The following NRCAM variants were observed in gnomAD, a reference collection of about 807,000 sequenced individuals.
The protein encoded by NRCAM is NgCAM-related cell adhesion molecule.
Under a neutral mutation model 156.5 loss-of-function variants are expected in NRCAM, and 83 were observed. That is an observed-to-expected ratio of 0.53 (90% CI 0.44 to 0.64). The LOEUF (loss-of-function observed/expected upper bound fraction) is 0.64. NRCAM is among the 30% of genes least tolerant of loss of function. The pLI, the probability that NRCAM is intolerant of heterozygous loss-of-function variation, is 0.00. For synonymous variants in NRCAM, 538 were observed against 563.9 expected, an observed-to-expected ratio of 0.95 and a Z score of 0.65; for missense variants, 1,417 against 1,597.3, an observed-to-expected ratio of 0.89 and a Z score of 1.92.
At chr7:108,426,717 A>C (rs1422283604) in intron 1 of NRCAM, among the ~76,000 whole-genome samples, 2 of 152,238 alleles carry the variant, frequency 1.3e-5, no homozygotes, top group Non-Finnish European at 2.9e-5. Context: ...TTATCTCCAC[A>C]ACACAAAATA....
chr7:108,333,686 A>G (rs1372553951), intron 2 of NRCAM, among the ~76,000 whole-genome samples: 1 of 152,224 alleles, frequency 6.6e-6, no homozygotes, highest in Non-Finnish European at 1.5e-5. Flanking sequence ...TAAAAGATAT[A>G]GAACCCTAAC....
At chr7:108,290,181 T>C (rs1238030733) in intron 3 of NRCAM, among the ~76,000 whole-genome samples, 1 of 152,198 alleles carries the variant, frequency 6.6e-6, no homozygotes, top group Non-Finnish European at 1.5e-5. Context: ...AATACTGTCA[T>C]GAGACGTGCA....
At position 108,175,355 on chromosome 7, in the gene NRCAM, C is replaced by G. The variant is rs1270503904; in HGVS notation, c.3154G>C (p.Gly1052Arg). 6.4e-7 allele frequency: 1 copy of G among 1,562,374 alleles called. No individual in the cohort carries two copies. The highest frequency in any genetic ancestry group is 1.9e-5 in the Admixed American group (1 of 52,432). The change falls in exon 28 of 33, where the codon GGT becomes CGT. Residue 1052 changes from glycine (G) to arginine (R), a missense_variant and splice_region_variant. Coordinates refer to ENST00000379028, the MANE Select transcript of NRCAM (RefSeq NM_001037132.4). ...GCACCTACATCAGGTGGAAGAATAC[C>G]AGCTTTAATGAAGGGAAACAGAAAT... ...EEAVTTVDEA[G>R]ILPPDVGAGK...
intron 2 of NRCAM, among the ~76,000 whole-genome samples, chr7:108,389,111 T>C (rs552877660): frequency 6.8e-4 from 103 of 152,306 alleles, no homozygotes; most frequent in African/African-American, 2.3e-3. Flanking sequence ...CATTGGTAGC[T>C]TGATGGGGAT....
At chr7:108,317,012 T>C (rs2098934479) in intron 2 of NRCAM, among the ~76,000 whole-genome samples, 1 of 152,182 alleles carries the variant, frequency 6.6e-6, no homozygotes, top group South Asian at 2.1e-4. Context: ...AAAGAAAATG[T>C]GTCTTTTCCA....
At chr7:108,306,332 T>C (rs2154168356) in intron 3 of NRCAM, among the ~76,000 whole-genome samples, 1 of 152,316 alleles carries the variant, frequency 6.6e-6, no homozygotes, top group South Asian at 2.1e-4. Context: ...TTATTCAAGA[T>C]GAATTTGTTT....
chr7:108,204,918 G>A (rs2080286867), intron 13 of NRCAM, among the ~76,000 whole-genome samples: 3 of 152,138 alleles, frequency 2.0e-5, no homozygotes, highest in South Asian at 4.1e-4. Flanking sequence ...CCCAAAGCAG[G>A]CCTTTTATGG....
At chr7:108,260,123 TG>T (rs1182768486) in intron 3 of NRCAM, among the ~76,000 whole-genome samples, 12 of 152,110 alleles carry the variant, frequency 7.9e-5, no homozygotes, top group African/African-American at 2.9e-4. Flanking sequence ...TGAGAGATTT[TG>T]TCTAGTTTTG....
At chr7:108,270,792 G>A (rs1410615993) in intron 3 of NRCAM, among the ~76,000 whole-genome samples, 1 of 152,226 alleles carries the variant, frequency 6.6e-6, no homozygotes, top group Non-Finnish European at 1.5e-5. Context: ...AGTATTGTAT[G>A]ATTCCATTTA....
intron 4 of NRCAM, among the ~76,000 whole-genome samples, chr7:108,238,664 T>G (rs1418296093): frequency 6.6e-6 from 1 of 152,044 alleles, no homozygotes; most frequent in Non-Finnish European, 1.5e-5. Context: ...ACAAAAGCAT[T>G]TCTCTCAAAT....
At chr7:108,186,213 C>T (rs1035629687) in intron 20 of NRCAM, among the ~76,000 whole-genome samples, 1 of 152,202 alleles carries the variant, frequency 6.6e-6, no homozygotes, top group Non-Finnish European at 1.5e-5. Flanking sequence ...TTTCAATCCA[C>T]ATTCATCTTT....
chr7:108,194,747 A>G (rs1039233354), intron 15 of NRCAM, among the ~76,000 whole-genome samples: 1 of 152,146 alleles, frequency 6.6e-6, no homozygotes, highest in Non-Finnish European at 1.5e-5. Context: ...TTTAATCTTA[A>G]CCCTGCATAT....
At chr7:108,441,778 G>A (rs941176001) in intron 1 of NRCAM, among the ~76,000 whole-genome samples, 4 of 152,158 alleles carry the variant, frequency 2.6e-5, no homozygotes, top group South Asian at 2.1e-4. Flanking sequence ...CTGGCCTGCC[G>A]CCAATTTTGA....
At chr7:108,378,164 T>A (rs1211192763) in intron 2 of NRCAM, among the ~76,000 whole-genome samples, 1 of 152,172 alleles carries the variant, frequency 6.6e-6, no homozygotes, top group East Asian at 1.9e-4. Context: ...CAAGACTTCC[T>A]ATGTTGGAAT....
In NRCAM at chr7:108,194,034, T is replaced by C. The variant is rs151002359; in HGVS notation, c.1768A>G (p.Ser590Gly). 5.8e-5 allele frequency: 94 copies of C among 1,613,574 alleles called. 1 individual carries two copies. The highest frequency in any genetic ancestry group is 4.9e-4 in the Middle Eastern group (3 of 6,062). The change falls in exon 17 of 33, where the codon AGT becomes GGT. Residue 590 changes from serine (S) to glycine (G), a missense_variant. Ser to Gly is a moderately conservative substitution (Grantham distance 56). Around this residue, in one of 2 missense-constraint regions of NRCAM, gnomAD observed 1,238 missense variants for 1,336.4 expected, o/e 0.93. Coordinates refer to ENST00000379028, the MANE Select transcript of NRCAM (RefSeq NM_001037132.4). ...ATCGTCTTCAAATACCTTTCATCAC[T>C]GGGCAGTTCCCTGTTGTCCTTCAGC... ...LWLKDNRELP[S>G]DERFTVDKDH...
intron 2 of NRCAM, among the ~76,000 whole-genome samples, chr7:108,373,571 T>C (rs903926674): frequency 6.6e-6 from 1 of 152,086 alleles, no homozygotes; most frequent in Non-Finnish European, 1.5e-5. Context: ...GACAATAAGG[T>C]GGAAACTAAC....
intron 2 of NRCAM, among the ~76,000 whole-genome samples, chr7:108,346,213 C>T (rs1361884848): frequency 6.6e-6 from 1 of 152,180 alleles, no homozygotes; most frequent in Non-Finnish European, 1.5e-5. Context: ...TGAGATATCA[C>T]ATCCAATCCG....
intron 27 of NRCAM, among the ~76,000 whole-genome samples, chr7:108,175,837 AT>A (rs1165076697): frequency 3.3e-5 from 5 of 152,292 alleles, no homozygotes; most frequent in African/African-American, 1.2e-4. Flanking sequence ...AGAAGTGTTA[AT>A]TCCTTTTCTA....
At chr7:108,212,541 A>C (rs182719676) in intron 11 of NRCAM, among the ~76,000 whole-genome samples, 317 of 152,308 alleles carry the variant, frequency 2.1e-3, no homozygotes, top group Non-Finnish European at 1.9e-3. Flanking sequence ...AATAGACACT[A>C]TAAAGAAAAA....
Sources: allele counts gnomAD v4.1 joint callset (sites outside exome capture counted in the v4.1 genomes callset), GRCh38; gene constraint gnomAD v4.1.1; regional missense constraint gnomAD v4.1.1; transcripts MANE v1.5; gene names NCBI Gene and HGNC (gene_info 2026-07-23, HGNC 2026-07-21).